Variants in PLEKHG4 observed in about 807,000 individuals in gnomAD.
The protein encoded by PLEKHG4 is puratrophin-1.
In PLEKHG4, 85 loss-of-function variants were observed where a neutral mutation model predicts 136.9. That is an observed-to-expected ratio of 0.62 (90% CI 0.52 to 0.74). The LOEUF (loss-of-function observed/expected upper bound fraction) is 0.74, where lower values mean the gene tolerates loss of function less well. PLEKHG4 is among the 30% of genes least tolerant of loss of function. PLEKHG4 has a pLI of 0.00. For synonymous variants in PLEKHG4, 577 were observed against 646.9 expected (o/e 0.89, Z 1.64); for missense variants, 1,317 against 1,527.8 (o/e 0.86, Z 2.30).
chr16:67,281,437 G>C, intron 5 of PLEKHG4, 130 bp from the exon 6 acceptor site: 1 of 808,288 alleles, frequency 1.2e-6, no homozygotes, highest in Non-Finnish European at 2.1e-6. Flanking sequence ...GTGTTGCCCA[G>C]GCTGATCTCG....
In PLEKHG4 at chr16:67,279,875, G is replaced by A; in HGVS notation, c.-169-1G>A. The A allele has an allele frequency of 1.1e-5, 7 of 653,114 alleles. No homozygotes were observed. The highest frequency in any genetic ancestry group is 1.8e-5 in the Non-Finnish European group (7 of 380,842). The allele number at this position is 653,114 out of a possible 1,614,324, so 40.5% of individuals were successfully genotyped here. On this transcript the variant is annotated splice_acceptor_variant, in intron 1 of 21. Transcript: ENST00000379344. LOFTEE classifies it low-confidence loss of function (5UTR_SPLICE). ...CCCTTAACGTTATTCCCTCTTCCCA[G>A]GCCTGAATTGCAGTTCCTGTGCCCT... is the stretch of plus-strand genomic sequence containing the variant.
chr16:67,284,808 C>G lies in PLEKHG4; in HGVS notation c.1788C>G (p.Thr596=), dbSNP rs772504020. ...VVLQQLQLHW[T]RHPDLPPAHF... is the part of the protein sequence containing the mutation. The stretch of plus-strand genomic sequence containing the variant: ...TGCAGCAGCTGCAGCTGCACTGGAC[C>G]AGGCACCCTGACTTGCCTCCTGCCC... Residue 596 remains threonine (T), a synonymous_variant, in exon 13 of 22, where the codon ACC becomes ACG. Coordinates refer to ENST00000379344, the MANE Select transcript of PLEKHG4 (RefSeq NM_001129729.3). This position sits in a 1 kb window ranked among gnomAD's most constrained non-coding sequence, Gnocchi z 4.4. 2 of 1,613,648 alleles carry G rather than the reference C, an allele frequency of 1.2e-6. No individual in the cohort carries two copies. The highest frequency in any genetic ancestry group is 3.3e-5 in the Admixed American group (2 of 60,016).
chr16:67,280,304 T>G lies in PLEKHG4; in HGVS notation c.260T>G (p.Val87Gly). ...DESGDAQRGT[V>G]ESSSVLSEGP... Reference sequence around the variant, plus strand: ...TCGGGGGATGCCCAGAGGGGCACAGTAGAAAGCTCCTCAGTCCTGTCAGAA... The same window carrying G: ...TCGGGGGATGCCCAGAGGGGCACAGGAGAAAGCTCCTCAGTCCTGTCAGAA... Residue 87 changes from valine (V) to glycine (G), a missense_variant, in exon 2 of 22, where the codon GTA (valine) becomes GGA (glycine). Transcript: ENST00000379344. This position sits in a 1 kb window ranked among gnomAD's most constrained non-coding sequence, Gnocchi z 4.4. 6.2e-7 allele frequency: 1 copy of G among 1,613,642 alleles called. No individual in the cohort carries two copies. The highest frequency in any genetic ancestry group is 1.6e-4 in the Middle Eastern group (1 of 6,062).
chr16:67,285,132 A>G lies in PLEKHG4; in HGVS notation c.2112A>G (p.Arg704=). Residue 704 remains arginine, a synonymous_variant, in exon 13 of 22, where the codon AGA becomes AGG. Transcript: ENST00000379344. ...CGGCCACTATTGCTGCCTGCCGCAGACCAGAGGCTGGAGGAGGTGCCCTGC... is the reference window on the plus strand; with the variant it reads ...CGGCCACTATTGCTGCCTGCCGCAGGCCAGAGGCTGGAGGAGGTGCCCTGC... ...HHAATIAACR[R]PEAGGGALPQ... 1 of 1,613,460 alleles carries G rather than the reference A, an allele frequency of 6.2e-7. No homozygotes were observed. The highest frequency in any genetic ancestry group is 1.1e-5 in the South Asian group (1 of 91,092).
At position 67,288,005 on chromosome 16, in the gene PLEKHG4, A is replaced by G. The variant is rs1355830886; in HGVS notation, c.3211A>G (p.Lys1071Glu). 6.2e-7 allele frequency: 1 copy of G among 1,611,346 alleles called. No individual in the cohort carries two copies. The highest frequency in any genetic ancestry group is 1.1e-5 in the South Asian group (1 of 91,008). Residue 1071 changes from lysine (K) to glutamate (E), a missense_variant, in exon 19 of 22, where the codon AAG becomes GAG. Lys to Glu is a moderately conservative substitution (Grantham distance 56, BLOSUM62 1). Transcript: ENST00000379344. ...CGACCGCACCGTCAACTATGTCCTG[A>G]AGTGCCGAGGTAGCAGGCAGGCTAC... ...INDRTVNYVL[K>E]CREVRSRASI...
In PLEKHG4 at chr16:67,280,751, C is replaced by T. The variant is rs2036174830; in HGVS notation, c.540C>T (p.Leu180=). ...GCCTCCCTAAGCCTGCTGACTGCCT[C>T]CTGGCCCAAGACCTCTGTTGGGAGC... The part of the protein sequence containing the change: ...GSGLPKPADC[L]LAQDLCWELL... The change falls in exon 3 of 22, where the codon CTC becomes CTT. Residue 180 remains leucine (L), a synonymous_variant. Coordinates refer to ENST00000379344, the MANE Select transcript of PLEKHG4 (RefSeq NM_001129729.3). The surrounding 1 kb of genome is among the most constrained non-coding windows in gnomAD (Gnocchi z 4.4). 1.2e-6 allele frequency: 2 copies of T among 1,614,148 alleles called. No individual in the cohort carries two copies. Among genetic ancestry groups the T allele is most frequent in the South Asian group, 1.1e-5 (1 of 91,086 alleles).
At chr16:67,281,924 C>A in intron 7 of PLEKHG4, 85 bp from the exon 8 acceptor site, 1 of 1,544,898 alleles carries the variant, frequency 6.5e-7, no homozygotes, top group Non-Finnish European at 8.9e-7. Context: ...TTGAACCAGA[C>A]AAAGCTGGCT....
Position 67,281,752 on chromosome 16 carries a change from T to C in PLEKHG4, c.920T>C (p.Leu307Pro). 1 of 1,614,102 alleles carries C rather than the reference T, an allele frequency of 6.2e-7. No homozygotes were observed. The highest frequency in any genetic ancestry group is 8.5e-7 in the Non-Finnish European group (1 of 1,180,028). ...QLEQLPSQSL[L>P]THIPTAGLPT... ...GAGCAGTTGCCTTCTCAGAGCCTGCTGACCCACATCCCAACGGCGGGGCTG... is the reference window on the plus strand; with the variant it reads ...GAGCAGTTGCCTTCTCAGAGCCTGCCGACCCACATCCCAACGGCGGGGCTG... The change falls in exon 7 of 22, where the codon CTG (leucine) becomes CCG (proline). Residue 307 changes from leucine (L) to proline (P), a missense_variant. Physicochemically the swap from Leu to Pro is moderately conservative, Grantham distance 98. Transcript: ENST00000379344.
chr16:67,283,007 A>G (rs972144004), intron 11 of PLEKHG4, 149 bp downstream of exon 11: 6 of 705,546 alleles, frequency 8.5e-6, no homozygotes, highest in African/African-American at 7.0e-5. Context: ...TCACAGTCAT[A>G]TATGTGCCTG....
rs1044339401 is a variant in PLEKHG4, at chr16:67,281,204, TC to T, written c.813+24del. The T allele has an allele frequency of 4.2e-6, 6 of 1,434,032 alleles. No individual in the cohort carries two copies. In the Admixed American group the frequency reaches 8.4e-5, roughly 20 times the overall value. 88.8% of individuals were successfully genotyped at this position (1,434,032 alleles called of 1,614,324 possible). A position where few individuals can be genotyped will look rare whatever the true frequency, so the allele number is the denominator to read the frequency against. On this transcript the variant is annotated intron_variant, in intron 5 of 21. Coordinates refer to ENST00000379344, the MANE Select transcript of PLEKHG4 (RefSeq NM_001129729.3). ...CTACAAGTGAGTACAGGATTGTAGCTCCCCTCATTCCTTTTCTTTTCTTTTT... is the reference window on the plus strand; with the variant it reads ...CTACAAGTGAGTACAGGATTGTAGCTCCCTCATTCCTTTTCTTTTCTTTTT...
Position 67,280,187 on chromosome 16 carries a change from C to T in PLEKHG4, c.143C>T (p.Pro48Leu). The T allele has an allele frequency of 6.2e-7, 1 of 1,613,892 alleles. No individual in the cohort carries two copies. The highest frequency in any genetic ancestry group is 8.5e-7 in the Non-Finnish European group (1 of 1,179,976). Residue 48 changes from proline (P) to leucine (L), a missense_variant, in exon 2 of 22, where the codon CCT becomes CTT. By Grantham distance (98) the Pro-to-Leu change is moderately conservative. Coordinates refer to ENST00000379344, the MANE Select transcript of PLEKHG4 (RefSeq NM_001129729.3). This position sits in a 1 kb window ranked among gnomAD's most constrained non-coding sequence, Gnocchi z 4.4. ...CAGATGCACGTTAAGGACCCAGGTC[C>T]TCCAAGACCACCAGCCGGGGCCACC... Reference protein sequence around the residue: ...ASQMHVKDPGPPRPPAGATQD... With the variant: ...ASQMHVKDPGLPRPPAGATQD...
chr16:67,279,935 C>T lies in PLEKHG4; in HGVS notation c.-110C>T. 8.7e-7 allele frequency: 1 copy of T among 1,152,020 alleles called. No homozygotes were observed. Among genetic ancestry groups the T allele is most frequent in the South Asian group, 1.5e-5 (1 of 67,116 alleles). The allele number at this position is 1,152,020 out of a possible 1,614,324, so 71.4% of individuals were successfully genotyped here. A position where few individuals can be genotyped will look rare whatever the true frequency, so the allele number is the denominator to read the frequency against. ...ACTGGCACCTCCTGCGGCCCATGCC[C>T]TTCGCCTGCATTGCCCACTGAGTCC... On this transcript the variant is annotated 5_prime_UTR_variant, in exon 2 of 22. Transcript: ENST00000379344.
In PLEKHG4 at chr16:67,280,427, T is replaced by C; in HGVS notation, c.383T>C (p.Val128Ala). Residue 128 changes from valine to alanine, a missense_variant, in exon 2 of 22, where the codon GTA becomes GCA. Val to Ala is a moderately conservative substitution (Grantham distance 64, BLOSUM62 0). Transcript: ENST00000379344. This position sits in a 1 kb window ranked among gnomAD's most constrained non-coding sequence, Gnocchi z 4.4. ...GESDTPGVGL[V>A]GDPGPSRAMP... Reference sequence around the variant, plus strand: ...AGTGACACCCCAGGGGTAGGGTTGGTAGGGGACCCAGGTCCAAGCAGGGCG... The same window carrying C: ...AGTGACACCCCAGGGGTAGGGTTGGCAGGGGACCCAGGTCCAAGCAGGGCG... 1.2e-6 allele frequency: 2 copies of C among 1,602,434 alleles called. No homozygotes were observed. The highest frequency in any genetic ancestry group is 1.1e-5 in the South Asian group (1 of 89,836).
Position 67,281,556 on chromosome 16 carries a change from G to T in PLEKHG4, c.814-11G>T. ...GAGTTGGGGATAGTGCTGAGCTCAG[G>T]TTCCTTGCAGGAAGCAGCCCCAGGG... On this transcript the variant is annotated splice_polypyrimidine_tract_variant and intron_variant, in intron 5 of 21. Coordinates refer to ENST00000379344, the MANE Select transcript of PLEKHG4 (RefSeq NM_001129729.3). The T allele has an allele frequency of 6.2e-7, 1 of 1,611,928 alleles. No homozygotes were observed. Among genetic ancestry groups the T allele is most frequent in the Middle Eastern group, 1.7e-4 (1 of 6,042 alleles).
Position 67,280,798 on chromosome 16 carries a change from C to T in PLEKHG4, c.587C>T (p.Thr196Ile). ...CWELLASGMATLPGTRDVQGR... is the reference protein window; with the variant it reads ...CWELLASGMAILPGTRDVQGR... Reference sequence around the variant, plus strand: ...GAGCTGCTGGCCAGTGGTATGGCCACCTTGCCAGGTAGCCAGGCGGGCCTA... The same window carrying T: ...GAGCTGCTGGCCAGTGGTATGGCCATCTTGCCAGGTAGCCAGGCGGGCCTA... Residue 196 changes from threonine to isoleucine, a missense_variant, in exon 3 of 22, where the codon ACC (threonine) becomes ATC (isoleucine). Transcript: ENST00000379344. The surrounding 1 kb of genome is among the most constrained non-coding windows in gnomAD (Gnocchi z 4.4). The T allele has an allele frequency of 1.2e-6, 2 of 1,614,026 alleles. No homozygotes were observed. Among genetic ancestry groups the T allele is most frequent in the Non-Finnish European group, 1.7e-6 (2 of 1,180,022 alleles).
chr16:67,282,851 T>C lies in PLEKHG4; in HGVS notation c.1502T>C (p.Val501Ala). The C allele has an allele frequency of 1.2e-6, 2 of 1,612,472 alleles. No individual in the cohort carries two copies. The highest frequency in any genetic ancestry group is 1.7e-6 in the Non-Finnish European group (2 of 1,179,250). The change falls in exon 11 of 22, where the codon GTT becomes GCT. Residue 501 changes from valine to alanine, a missense_variant. Physicochemically the swap from Val to Ala is moderately conservative, Grantham distance 64. Transcript: ENST00000379344. The stretch of plus-strand genomic sequence containing the variant: ...GGCTCTTTTCAGGAGCTGTACCAGG[T>C]TGCCCAGGTATATGTGGTCACTTGT... ...AQGSFQELYQ[V>A]AQEQVRQGEK...
chr16:67,280,979 C>G lies in PLEKHG4; in HGVS notation c.693C>G (p.Leu231=), dbSNP rs543547835. 1 of 1,613,804 alleles carries G rather than the reference C, an allele frequency of 6.2e-7. No individual in the cohort carries two copies. Among genetic ancestry groups the G allele is most frequent in the South Asian group, 1.1e-5 (1 of 91,086 alleles). Reference sequence around the variant, plus strand: ...GCAGCAGCCAGGAACTCATCCGCCTCCTGCTGTACCTGCGAAGCATCCCCA... The same window carrying G: ...GCAGCAGCCAGGAACTCATCCGCCTGCTGCTGTACCTGCGAAGCATCCCCA... The part of the protein sequence containing the change: ...SECSSQELIR[L]LLYLRSIPRP... The change falls in exon 4 of 22, where the codon CTC becomes CTG. Residue 231 remains leucine (L), a synonymous_variant. Coordinates refer to ENST00000379344, the MANE Select transcript of PLEKHG4 (RefSeq NM_001129729.3). The surrounding 1 kb of genome is among the most constrained non-coding windows in gnomAD (Gnocchi z 4.4).
At chr16:67,285,676 C>A (rs1425524252) in intron 14 of PLEKHG4, 140 bp downstream of exon 14, 7 of 942,058 alleles carry the variant, frequency 7.4e-6, no homozygotes, top group Non-Finnish European at 1.0e-5. Flanking sequence ...TGAGGGTGCT[C>A]TTAGTCCAGT....
chr16:67,283,951 C>T (rs1329721228), intron 11 of PLEKHG4, among the ~76,000 whole-genome samples: 1 of 151,734 alleles, frequency 6.6e-6, no homozygotes, highest in Non-Finnish European at 1.5e-5. Context: ...TGGGGAGGAG[C>T]TGGGGGAGCC....
Sources: allele counts gnomAD v4.1 joint callset (sites outside exome capture counted in the v4.1 genomes callset), GRCh38; gene constraint gnomAD v4.1.1; non-coding constraint Gnocchi (gnomAD v3.1); transcripts MANE v1.5; gene names NCBI Gene and HGNC (gene_info 2026-07-23, HGNC 2026-07-21).